The following PRRC2C variants were observed in gnomAD, a reference collection of about 807,000 sequenced individuals.
The protein encoded by PRRC2C is protein PRRC2C.
In PRRC2C, 72 loss-of-function variants were observed where a neutral mutation model predicts 317.2. The ratio of observed to expected loss-of-function variants is 0.23; its 90% confidence interval spans 0.19 to 0.28. The LOEUF is 0.28. Among genes scored for constraint, PRRC2C ranks in the 10% least tolerant of loss-of-function variants. PRRC2C has a pLI of 1.00. For missense variants in PRRC2C, 3,074 were observed against 3,459.7 expected (o/e 0.89, Z 2.80); for synonymous variants, 1,296 against 1,205.9 (o/e 1.07, Z -1.55).
At position 171,542,063 on chromosome 1, in the gene PRRC2C, G is replaced by A. The variant is rs772219263; in HGVS notation, c.4597G>A (p.Val1533Ile). The stretch of plus-strand genomic sequence containing the variant: ...AACAGTTGTAAAGGTTGGAGAGAAT[G>A]TTCTACCTCCAAAGAGGGAAATTGC... ...AQTVVKVGENVLPPKREIAKR... is the reference protein window; with the variant it reads ...AQTVVKVGENILPPKREIAKR... The change falls in exon 16 of 35, where the codon GTT becomes ATT. Residue 1533 changes from valine (V) to isoleucine (I), a missense_variant. Val to Ile is a conservative substitution (Grantham distance 29). Coordinates refer to ENST00000647382, the MANE Select transcript of PRRC2C (RefSeq NM_001387844.1). The A allele has an allele frequency of 1.2e-6, 2 of 1,613,910 alleles. No homozygotes were observed. Among genetic ancestry groups the A allele is most frequent in the Non-Finnish European group, 1.7e-6 (2 of 1,179,872 alleles).
At chr1:171,505,378 T>C (rs960810111) in intron 1 of PRRC2C, among the ~76,000 whole-genome samples, 3 of 152,198 alleles carry the variant, frequency 2.0e-5, no homozygotes, top group African/African-American at 7.2e-5. Flanking sequence ...TAATTTCTGT[T>C]TCTGATTGTT....
intron 13 of PRRC2C, 31 bp downstream of exon 13, chr1:171,535,628 G>A (rs1249905521): frequency 1.2e-6 from 2 of 1,602,408 alleles, no homozygotes; most frequent in South Asian, 1.1e-5. Context: ...TCATGTATGT[G>A]TGATTGAAGT....
At chr1:171,577,062 T>C (rs1393867894) in intron 25 of PRRC2C, among the ~76,000 whole-genome samples, 3 of 152,214 alleles carry the variant, frequency 2.0e-5, no homozygotes, top group African/African-American at 7.2e-5. Context: ...TGTGTCCTTA[T>C]ATCTGTGGTC....
At chr1:171,514,251 AGTGTGTGTGTATGTGTGTGTGTGT>A (rs1481274178) in intron 3 of PRRC2C, among the ~76,000 whole-genome samples, 3 of 131,748 alleles carry the variant, frequency 2.3e-5, no homozygotes, top group African/African-American at 9.8e-5. Flanking sequence ...TTTAATTAAA[AGTGTGTGTGTATGTGTGTGTGTGT>A]GTGTGTGTGT....
chr1:171,548,268 C>T (rs566928405), intron 17 of PRRC2C, among the ~76,000 whole-genome samples: 6 of 152,302 alleles, frequency 3.9e-5, no homozygotes, highest in African/African-American at 1.4e-4. Context: ...CATGCCCAGC[C>T]AGTTTCTAAG....
At chr1:171,494,765 C>T (rs1263970010) in intron 1 of PRRC2C, among the ~76,000 whole-genome samples, 6 of 152,130 alleles carry the variant, frequency 3.9e-5, no homozygotes, top group African/African-American at 1.2e-4. Context: ...CTTCACTGCT[C>T]TTCCCCACCC....
At chr1:171,549,488 AT>A (rs1019286850) in intron 17 of PRRC2C, among the ~76,000 whole-genome samples, 3 of 152,026 alleles carry the variant, frequency 2.0e-5, no homozygotes, top group African/African-American at 7.2e-5. Flanking sequence ...GATAATTTTG[AT>A]TTTTTTTCTT....
chr1:171,558,116 G>A lies in PRRC2C; in HGVS notation c.6004G>A (p.Ala2002Thr). ...ELWDNKVAPP[A>T]VLNDISKKLG... Reference sequence around the variant, plus strand: ...ATGGGATAACAAGGTGGCCCCACCAGCTGTGCTGAATGATATCTCTAAGAA... The same window carrying A: ...ATGGGATAACAAGGTGGCCCCACCAACTGTGCTGAATGATATCTCTAAGAA... The change falls in exon 19 of 35, where the codon GCT (alanine) becomes ACT (threonine). Residue 2002 changes from alanine to threonine, a missense_variant. Around this residue, in one of 11 missense-constraint regions of PRRC2C, gnomAD observed 640 missense variants for 676.1 expected, o/e 0.95. Transcript: ENST00000647382. The A allele has an allele frequency of 6.2e-7, 1 of 1,613,332 alleles. No individual in the cohort carries two copies. Among genetic ancestry groups the A allele is most frequent in the Non-Finnish European group, 8.5e-7 (1 of 1,179,392 alleles).
In PRRC2C at chr1:171,574,964, A is replaced by G. The variant is rs776122568; in HGVS notation, c.6791A>G (p.Asn2264Ser). ...CGCAAAGCATGGGAGAATTCTCCAAATGTAAGGGAAAAGGGGTCTCCAGTA... is the reference window on the plus strand; with the variant it reads ...CGCAAAGCATGGGAGAATTCTCCAAGTGTAAGGGAAAAGGGGTCTCCAGTA... ...SARKAWENSP[N>S]VREKGSPVTS... The change falls in exon 25 of 35, where the codon AAT becomes AGT. Residue 2264 changes from asparagine to serine, a missense_variant. Around this residue, in one of 11 missense-constraint regions of PRRC2C, gnomAD observed 490 missense variants for 663.1 expected, o/e 0.74. Coordinates refer to ENST00000647382, the MANE Select transcript of PRRC2C (RefSeq NM_001387844.1). The G allele has an allele frequency of 2.5e-6, 4 of 1,613,914 alleles. No homozygotes were observed. In the East Asian group the frequency reaches 8.9e-5, roughly 36 times the overall value.
At chr1:171,521,813 A>G (rs1673631567) in intron 6 of PRRC2C, among the ~76,000 whole-genome samples, 1 of 152,192 alleles carries the variant, frequency 6.6e-6, no homozygotes, top group Admixed American at 6.5e-5. Flanking sequence ...ACTTTAATGT[A>G]ATTTATATCT....
At chr1:171,586,247 A>AT (rs1000389248) in intron 30 of PRRC2C, among the ~76,000 whole-genome samples, 1 of 146,490 alleles carries the variant, frequency 6.8e-6, no homozygotes, top group Admixed American at 6.7e-5. Flanking sequence ...ATTTTATTTT[A>AT]TTTATTTATT....
intron 12 of PRRC2C, among the ~76,000 whole-genome samples, chr1:171,534,273 T>G (rs1196821422): frequency 1.3e-5 from 2 of 152,186 alleles, no homozygotes; most frequent in African/African-American, 4.8e-5. Flanking sequence ...AATAGTGGGC[T>G]TATATTACAT....
At chr1:171,530,552 G>GT (rs1675636914) in intron 11 of PRRC2C, among the ~76,000 whole-genome samples, 1 of 151,782 alleles carries the variant, frequency 6.6e-6, no homozygotes, top group East Asian at 1.9e-4. Context: ...AGCCTGGGCC[G>GT]TATTTTTATT....
intron 1 of PRRC2C, among the ~76,000 whole-genome samples, chr1:171,505,152 C>T (rs1056451016): frequency 1.3e-5 from 2 of 151,920 alleles, no homozygotes; most frequent in East Asian, 1.9e-4. Context: ...CTCAGCCTCC[C>T]GAGTAGCTGG....
chr1:171,568,304 A>C lies in PRRC2C; in HGVS notation c.6616A>C (p.Asn2206His). 1 of 1,608,550 alleles carries C rather than the reference A, an allele frequency of 6.2e-7. No individual in the cohort carries two copies. The highest frequency in any genetic ancestry group is 8.5e-7 in the Non-Finnish European group (1 of 1,177,046). ...SSSLPNTVAT[N>H]NTKMEDTLVN... ...TTCTTTGCCTAACACCGTGGCTACT[A>C]ATAATACAAAGATGGAGGATACTTT... Residue 2206 changes from asparagine to histidine, a missense_variant, in exon 23 of 35, where the codon AAT (asparagine) becomes CAT (histidine). By Grantham distance (68) the Asn-to-His change is moderately conservative (BLOSUM62 1). Transcript: ENST00000647382.
rs1647298063 is a variant in PRRC2C, at chr1:171,577,555, T to A, written c.7077T>A (p.His2359Gln). ...CAAGCAGCCTGCCTTCTGCAAGTCATTTTTCACAGTTAAGCTGTATGCCTT... is the reference window on the plus strand; with the variant it reads ...CAAGCAGCCTGCCTTCTGCAAGTCAATTTTCACAGTTAAGCTGTATGCCTT... ...LQTSSLPSAS[H>Q]FSQLSCMPSL... Residue 2359 changes from histidine (H) to glutamine (Q), a missense_variant, in exon 26 of 35, where the codon CAT becomes CAA. By Grantham distance (24) the His-to-Gln change is conservative (BLOSUM62 0). Coordinates refer to ENST00000647382, the MANE Select transcript of PRRC2C (RefSeq NM_001387844.1). 3 of 1,613,540 alleles carry A rather than the reference T, an allele frequency of 1.9e-6. No homozygotes were observed. Among genetic ancestry groups the A allele is most frequent in the Non-Finnish European group, 2.5e-6 (3 of 1,179,542 alleles).
intron 1 of PRRC2C, among the ~76,000 whole-genome samples, chr1:171,489,319 C>T (rs1666698156): frequency 1.3e-5 from 2 of 152,138 alleles, no homozygotes; most frequent in South Asian, 4.1e-4. Flanking sequence ...AAATTTTTAG[C>T]TTATTCAACA....
At position 171,545,654 on chromosome 1, in the gene PRRC2C, G is replaced by T; in HGVS notation, c.4939G>T (p.Ala1647Ser). Residue 1647 changes from alanine (A) to serine (S), a missense_variant, in exon 17 of 35, where the codon GCT becomes TCT. Ala to Ser is a moderately conservative substitution (Grantham distance 99). Around this residue, in one of 11 missense-constraint regions of PRRC2C, gnomAD observed 178 missense variants for 163.0 expected, o/e 1.09. Coordinates refer to ENST00000647382, the MANE Select transcript of PRRC2C (RefSeq NM_001387844.1). ...TAAAAAACCAAAAGAGAAAGTGGAT[G>T]CTCTATCACAGTTTGATCTCAACAA... ...GPKKPKEKVD[A>S]LSQFDLNNYA... 1 of 1,610,458 alleles carries T rather than the reference G, an allele frequency of 6.2e-7. No homozygotes were observed. Among genetic ancestry groups the T allele is most frequent in the African/African-American group, 1.3e-5 (1 of 74,882 alleles).
chr1:171,567,096 T>C (rs1683804611), intron 22 of PRRC2C, among the ~76,000 whole-genome samples: 1 of 152,222 alleles, frequency 6.6e-6, no homozygotes, highest in South Asian at 2.1e-4. Flanking sequence ...GAAAAACATC[T>C]ATACAAAATC....
Sources: gnomAD v4.1 joint callset for allele counts (sites outside exome capture counted in the v4.1 genomes callset) on GRCh38, gnomAD v4.1.1 for gene constraint, gnomAD v4.1.1 regional missense constraint, MANE v1.5 for transcripts, NCBI Gene and HGNC (gene_info 2026-07-23, HGNC 2026-07-21) for gene names.